ST3GAL3: variants seen among roughly 807,000 people sequenced by gnomAD.
ST3GAL3 encodes the protein CMP-N-acetylneuraminate-beta-1,4-galactoside alpha-2,3-sialyltransferase.
In ST3GAL3, 21 loss-of-function variants were observed where a neutral mutation model predicts 50.1. The ratio of observed to expected loss-of-function variants is 0.42; its 90% CI spans 0.30 to 0.60. The LOEUF is 0.60. ST3GAL3 is among the 20% of genes least tolerant of loss of function. ST3GAL3 has a pLI of 0.19. For missense variants in ST3GAL3, 353 were observed against 489.4 expected, an observed-to-expected ratio of 0.72 and a Z score of 2.63; for synonymous variants, 183 against 190.0, an observed-to-expected ratio of 0.96 and a Z score of 0.30.
intron 9 of ST3GAL3, among the ~76,000 whole-genome samples, chr1:43,911,651 C>A (rs2080927251): frequency 2.1e-5 from 3 of 145,966 alleles, no homozygotes; most frequent in Non-Finnish European, 3.0e-5. Flanking sequence ...ATAGATATAT[C>A]TGTAGCTATA....
intron 5 of ST3GAL3, among the ~76,000 whole-genome samples, chr1:43,865,807 A>G (rs1473417987): frequency 6.6e-6 from 1 of 152,206 alleles, no homozygotes; most frequent in African/African-American, 2.4e-5. Context: ...AGGGCCAAAG[A>G]AGACCTTTTC....
intron 2 of ST3GAL3, among the ~76,000 whole-genome samples, chr1:43,787,104 A>G (rs187640497): frequency 4.6e-5 from 7 of 152,358 alleles, no homozygotes; most frequent in Admixed American, 3.3e-4. Context: ...TGACTATAAT[A>G]AAAGATTGCC....
At chr1:43,860,917 C>T (rs1194050299) in intron 5 of ST3GAL3, among the ~76,000 whole-genome samples, 3 of 152,242 alleles carry the variant, frequency 2.0e-5, no homozygotes, top group African/African-American at 7.2e-5. Flanking sequence ...AGTGGTCTTA[C>T]TGTACTTAGA....
intron 5 of ST3GAL3, among the ~76,000 whole-genome samples, chr1:43,847,798 A>G (rs2066500397): frequency 6.6e-6 from 1 of 152,270 alleles, no homozygotes. Context: ...GTATTTTACT[A>G]CAATTCAAAC....
At chr1:43,877,043 A>G (rs1570467689) in intron 5 of ST3GAL3, among the ~76,000 whole-genome samples, 2 of 152,140 alleles carry the variant, frequency 1.3e-5, no homozygotes, top group Non-Finnish European at 2.9e-5. Flanking sequence ...AGTTCTCCCT[A>G]TGCATCTCGA....
chr1:43,894,629 T>TCTTG, intron 6 of ST3GAL3, 152 bp downstream of exon 6: 2 of 757,958 alleles, frequency 2.6e-6, no homozygotes, highest in Non-Finnish European at 4.5e-6. Context: ...CCCTTCCTTT[T>TCTTG]TTTGTTTGTT....
intron 4 of ST3GAL3, among the ~76,000 whole-genome samples, chr1:43,829,357 TGTTA>T (rs2063232649): frequency 6.6e-6 from 1 of 152,226 alleles, no homozygotes; most frequent in Non-Finnish European, 1.5e-5. Context: ...GCTGAATAAT[TGTTA>T]GTTACATTCC....
At chr1:43,710,511 C>A (rs886595859) in intron 1 of ST3GAL3, among the ~76,000 whole-genome samples, 2 of 152,230 alleles carry the variant, frequency 1.3e-5, no homozygotes, top group African/African-American at 4.8e-5. Flanking sequence ...GCCATCACTT[C>A]CAAGTTTGTC....
intron 1 of ST3GAL3, among the ~76,000 whole-genome samples, chr1:43,719,527 T>TGGTGGCGGGTGC: frequency 6.6e-6 from 1 of 151,706 alleles, no homozygotes; most frequent in Non-Finnish European, 1.5e-5. Flanking sequence ...CAGGCGGGTG[T>TGGTGGCGGGTGC]GGTGGCGGGT....
intron 1 of ST3GAL3, among the ~76,000 whole-genome samples, chr1:43,727,816 C>G (rs550464020): frequency 3.3e-5 from 5 of 152,080 alleles, no homozygotes; most frequent in Admixed American, 6.5e-5. Flanking sequence ...CCCATGACTC[C>G]TCTTGAATAT....
At chr1:43,748,423 A>ATTTTT (rs1215322512) in intron 2 of ST3GAL3, among the ~76,000 whole-genome samples, 6 of 111,136 alleles carry the variant, frequency 5.4e-5, no homozygotes, top group South Asian at 2.7e-4. Context: ...AACAGCCCCC[A>ATTTTT]TTTTTTTTTT....
At chr1:43,856,963 C>T (rs2068520325) in intron 5 of ST3GAL3, among the ~76,000 whole-genome samples, 1 of 151,686 alleles carries the variant, frequency 6.6e-6, no homozygotes, top group Non-Finnish European at 1.5e-5. Flanking sequence ...TTTAGATCTC[C>T]TTCTCAGATG....
intron 4 of ST3GAL3, among the ~76,000 whole-genome samples, chr1:43,823,783 A>G (rs1438315517): frequency 6.6e-6 from 1 of 152,238 alleles, no homozygotes; most frequent in African/African-American, 2.4e-5. Flanking sequence ...TAAATGGTGG[A>G]CAACTCTGTG....
intron 5 of ST3GAL3, among the ~76,000 whole-genome samples, chr1:43,848,823 G>A (rs187080074): frequency 2.8e-4 from 42 of 152,178 alleles, no homozygotes; most frequent in African/African-American, 1.0e-3. Context: ...GATGCTCTGG[G>A]TTTTTGTTTT....
At chr1:43,911,667 CTATAGA>C (rs530784151) in intron 9 of ST3GAL3, among the ~76,000 whole-genome samples, 7 of 144,230 alleles carry the variant, frequency 4.9e-5, no homozygotes, top group Admixed American at 1.3e-4. Flanking sequence ...CTATAGATAT[CTATAGA>C]TATAGATATA....
intron 1 of ST3GAL3, among the ~76,000 whole-genome samples, chr1:43,719,952 A>T (rs1669563252): frequency 6.6e-6 from 1 of 150,918 alleles, no homozygotes; most frequent in African/African-American, 2.4e-5. Flanking sequence ...AAAAAAAAAA[A>T]AAAAAAAAAA....
chr1:43,811,887 T>C (rs2060605340), intron 3 of ST3GAL3, among the ~76,000 whole-genome samples: 1 of 152,210 alleles, frequency 6.6e-6, no homozygotes, highest in Non-Finnish European at 1.5e-5. Context: ...TAGCAACCGA[T>C]TGCTATTTAT....
chr1:43,860,314 C>A (rs1459605299), intron 5 of ST3GAL3, among the ~76,000 whole-genome samples: 1 of 152,196 alleles, frequency 6.6e-6, no homozygotes, highest in Non-Finnish European at 1.5e-5. Flanking sequence ...GCACAGCAAA[C>A]CGTGACCCAC....
chr1:43,717,878 T>C (rs1668177083), intron 1 of ST3GAL3, among the ~76,000 whole-genome samples: 1 of 152,036 alleles, frequency 6.6e-6, no homozygotes, highest in South Asian at 2.1e-4. Context: ...TGAATTTTTT[T>C]TTTTTTTAAA....
Sources: allele counts gnomAD v4.1 joint callset (sites outside exome capture counted in the v4.1 genomes callset), GRCh38; gene constraint gnomAD v4.1.1; transcripts MANE v1.5; gene names NCBI Gene and HGNC (gene_info 2026-07-23, HGNC 2026-07-21).